The following ROBO2 variants were observed in gnomAD, a reference collection of about 807,000 sequenced individuals.
ROBO2 encodes the protein roundabout homolog 2.
ROBO2 carries 53 observed loss-of-function variants against 160.8 expected under a neutral mutation model. That is an observed-to-expected ratio of 0.33 (90% CI 0.26 to 0.41). The LOEUF is 0.41. Ranked by LOEUF, ROBO2 falls within the 10% of genes least tolerant of loss-of-function variation. The pLI is 1.00. For synonymous variants in ROBO2, 664 were observed against 611.7 expected, an observed-to-expected ratio of 1.09 and a Z score of -1.26; for missense variants, 1,577 against 1,722.4, an observed-to-expected ratio of 0.92 and a Z score of 1.49.
intron 2 of ROBO2, among the ~76,000 whole-genome samples, chr3:76,473,935 C>G (rs968846233): frequency 6.6e-6 from 1 of 152,136 alleles, no homozygotes; most frequent in African/African-American, 2.4e-5. Flanking sequence ...TATTATTTTT[C>G]CAGACCCTAT....
chr3:76,239,073 A>C (rs1311408701), intron 2 of ROBO2, among the ~76,000 whole-genome samples: 1 of 152,166 alleles, frequency 6.6e-6, no homozygotes. Flanking sequence ...ATTTACATTA[A>C]TCTATGTTTT....
intron 2 of ROBO2, among the ~76,000 whole-genome samples, chr3:76,562,164 C>G (rs980034707): frequency 6.6e-6 from 1 of 151,584 alleles, no homozygotes; most frequent in Admixed American, 6.6e-5. Flanking sequence ...TTCACCACTT[C>G]TTGGCTTCTG....
At chr3:76,287,004 C>T (rs1012261576) in intron 2 of ROBO2, among the ~76,000 whole-genome samples, 4 of 152,114 alleles carry the variant, frequency 2.6e-5, no homozygotes, top group African/African-American at 7.2e-5. Flanking sequence ...CATTACTGTA[C>T]CACCTGGATC....
chr3:76,703,846 C>A (rs1241866664), intron 2 of ROBO2, among the ~76,000 whole-genome samples: 1 of 152,008 alleles, frequency 6.6e-6, no homozygotes, highest in Non-Finnish European at 1.5e-5. Flanking sequence ...GTCTTTATAG[C>A]AGAATGATTT....
chr3:76,647,048 G>A (rs1198998313), intron 2 of ROBO2, among the ~76,000 whole-genome samples: 1 of 152,124 alleles, frequency 6.6e-6, no homozygotes, highest in Non-Finnish European at 1.5e-5. Context: ...TAGAGACTCT[G>A]ACCTTGAAAA....
chr3:76,349,238 AAAG>A (rs1309076775), intron 2 of ROBO2, among the ~76,000 whole-genome samples: 1 of 152,260 alleles, frequency 6.6e-6, no homozygotes, highest in South Asian at 2.1e-4. Context: ...TCAAAACAAA[AAAG>A]CACTAAAATG....
chr3:77,543,537 AC>A (rs2092571647), intron 6 of ROBO2, among the ~76,000 whole-genome samples: 1 of 152,180 alleles, frequency 6.6e-6, no homozygotes, highest in Admixed American at 6.6e-5. Flanking sequence ...TCACTCATCT[AC>A]AAAAAAAATG....
intron 2 of ROBO2, among the ~76,000 whole-genome samples, chr3:76,467,617 C>G (rs1368148781): frequency 1.3e-5 from 2 of 152,098 alleles, no homozygotes; most frequent in African/African-American, 4.8e-5. Context: ...TCCACTCCAA[C>G]AATGACCCTG....
chr3:76,713,819 A>G (rs145441188), intron 2 of ROBO2, among the ~76,000 whole-genome samples: 34 of 152,304 alleles, frequency 2.2e-4, no homozygotes, highest in African/African-American at 7.9e-4. Flanking sequence ...ACTATGAAGT[A>G]CAGAGGAATT....
intron 2 of ROBO2, among the ~76,000 whole-genome samples, chr3:76,829,933 G>C (rs139005897): frequency 2.9e-4 from 44 of 152,278 alleles, no homozygotes; most frequent in Admixed American, 1.2e-3. Context: ...CTCCCCAAGT[G>C]CTGGGATTAC....
chr3:77,290,572 A>G (rs13073058), intron 2 of ROBO2, among the ~76,000 whole-genome samples: 2 of 7,356 alleles, frequency 2.7e-4, no homozygotes, highest in African/African-American at 3.5e-4. Context: ...TGGTTAAACG[A>G]GTAAGCTGAG....
intron 2 of ROBO2, among the ~76,000 whole-genome samples, chr3:76,570,965 A>G (rs76283947): frequency 2.6e-5 from 4 of 152,326 alleles, no homozygotes; most frequent in Admixed American, 1.3e-4. Context: ...CATACAGAAT[A>G]CAAGAAAAAA....
At chr3:76,822,316 T>A (rs1405180225) in intron 2 of ROBO2, among the ~76,000 whole-genome samples, 1 of 151,980 alleles carries the variant, frequency 6.6e-6, no homozygotes, top group East Asian at 1.9e-4. Flanking sequence ...AGTAAATTTT[T>A]CCTGAATGTC....
intron 2 of ROBO2, among the ~76,000 whole-genome samples, chr3:76,427,751 A>AT (rs926044314): frequency 1.5e-4 from 23 of 152,264 alleles, no homozygotes; most frequent in Middle Eastern, 3.4e-3. Context: ...TTACGGTTAT[A>AT]TTTTTTGGCA....
chr3:77,337,108 G>T (rs545714426), intron 2 of ROBO2, among the ~76,000 whole-genome samples: 1 of 152,298 alleles, frequency 6.6e-6, no homozygotes, highest in Admixed American at 6.5e-5. Flanking sequence ...CTGTTAGGAA[G>T]AAATTAATTG....
intron 2 of ROBO2, among the ~76,000 whole-genome samples, chr3:77,166,954 C>A (rs2150702907): frequency 6.6e-6 from 1 of 152,262 alleles, no homozygotes; most frequent in African/African-American, 2.4e-5. Context: ...AATGTCAACT[C>A]ATTGCTATTT....
At chr3:77,460,172 C>T (rs1049979962) in intron 2 of ROBO2, among the ~76,000 whole-genome samples, 1 of 151,990 alleles carries the variant, frequency 6.6e-6, no homozygotes, top group Non-Finnish European at 1.5e-5. Flanking sequence ...GAATAAGTTT[C>T]ACAGTCATTG....
chr3:76,256,299 GTC>G (rs372215718), intron 2 of ROBO2, among the ~76,000 whole-genome samples: 2,989 of 92,340 alleles, frequency 0.032, 74 homozygotes, highest in Non-Finnish European at 0.039. Flanking sequence ...GACAGAGTGA[GTC>G]TCTCTCTCTC....
intron 2 of ROBO2, among the ~76,000 whole-genome samples, chr3:76,695,037 G>A (rs776444986): frequency 1.5e-4 from 23 of 152,144 alleles, no homozygotes; most frequent in Non-Finnish European, 2.6e-4. Context: ...TCGGGAGGTG[G>A]AGATTGCAGT....
Sources: allele counts gnomAD v4.1 joint callset (sites outside exome capture counted in the v4.1 genomes callset), GRCh38; gene constraint gnomAD v4.1.1; transcripts MANE v1.5; gene names NCBI Gene and HGNC (gene_info 2026-07-23, HGNC 2026-07-21).